The following SEMA3D variants were observed in gnomAD, a reference collection of about 807,000 sequenced individuals.
SEMA3D encodes semaphorin 3D.
SEMA3D carries 84 observed loss-of-function variants against 100.1 expected under a neutral mutation model. That is an observed-to-expected ratio of 0.84 (90% CI 0.70 to 1.01). SEMA3D has a LOEUF of 1.01. Ranked by LOEUF, SEMA3D falls within the 50% of genes least tolerant of loss-of-function variation. The pLI is 0.00. For synonymous variants in SEMA3D, 312 were observed against 320.7 expected, an observed-to-expected ratio of 0.97 and a Z score of 0.29; for missense variants, 875 against 934.1, an observed-to-expected ratio of 0.94 and a Z score of 0.82.
intron 1 of SEMA3D, among the ~76,000 whole-genome samples, chr7:85,174,309 G>A (rs1791166386): frequency 6.6e-6 from 1 of 152,098 alleles, no homozygotes; most frequent in Non-Finnish European, 1.5e-5. Context: ...GACTATTACA[G>A]TGCCTGGCAT....
intron 4 of SEMA3D, among the ~76,000 whole-genome samples, chr7:85,081,986 C>G (rs1008459181): frequency 6.6e-6 from 1 of 152,168 alleles, no homozygotes; most frequent in African/African-American, 2.4e-5. Context: ...AAACAACTCT[C>G]TGTCAGAGCA....
the SEMA3D span, among the ~76,000 whole-genome samples, chr7:85,194,604 G>C: frequency 6.6e-6 from 1 of 151,888 alleles, no homozygotes; most frequent in Non-Finnish European, 1.5e-5. Flanking sequence ...ACAGTTTTTT[G>C]CTTTCTCCCA....
chr7:85,239,714 G>A, the SEMA3D span, among the ~76,000 whole-genome samples: 1 of 152,142 alleles, frequency 6.6e-6, no homozygotes, highest in African/African-American at 2.4e-5. Flanking sequence ...CAAGTTCACT[G>A]AATGGTTTGA....
intron 2 of SEMA3D, among the ~76,000 whole-genome samples, chr7:85,130,346 T>A (rs2116431161): frequency 6.6e-6 from 1 of 152,320 alleles, no homozygotes; most frequent in East Asian, 1.9e-4. Flanking sequence ...AATAGTTATT[T>A]AGTGAACATT....
chr7:85,064,684 A>T (rs1791565466), intron 8 of SEMA3D, among the ~76,000 whole-genome samples: 1 of 152,166 alleles, frequency 6.6e-6, no homozygotes, highest in Non-Finnish European at 1.5e-5. Flanking sequence ...CAATGGAATA[A>T]AATCACATGT....
chr7:85,020,318 A>G lies in SEMA3D; in HGVS notation c.1418T>C (p.Ile473Thr), dbSNP rs768620484. 1.2e-6 allele frequency: 2 copies of G among 1,607,698 alleles called. No individual in the cohort carries two copies. Among genetic ancestry groups the G allele is most frequent in the East Asian group, 2.2e-5 (1 of 44,618 alleles). ...GCTGACAACTTTGAGGACAGTTCCA[A>G]TGTCTGAAAAAATGCATAACCCATG... Reference protein sequence around the residue: ...QYDVMFLGTDIGTVLKVVSIS... With the variant: ...QYDVMFLGTDTGTVLKVVSIS... Residue 473 changes from isoleucine to threonine, a missense_variant, in exon 14 of 19, where the codon ATT (isoleucine) becomes ACT (threonine). Ile to Thr is a moderately conservative substitution (Grantham distance 89). Transcript: ENST00000284136.
chr7:85,195,284 C>G, the SEMA3D span, among the ~76,000 whole-genome samples: 1 of 152,058 alleles, frequency 6.6e-6, no homozygotes, highest in Non-Finnish European at 1.5e-5. Context: ...TGCTTCTGGG[C>G]CTCTGTAGCT....
At chr7:85,152,873 A>G (rs1313625197) in intron 2 of SEMA3D, among the ~76,000 whole-genome samples, 1 of 152,156 alleles carries the variant, frequency 6.6e-6, no homozygotes, top group Non-Finnish European at 1.5e-5. Flanking sequence ...GTAGTCACTG[A>G]TGCAAGTCAA....
At chr7:85,067,603 C>T (rs1791662920) in intron 7 of SEMA3D, among the ~76,000 whole-genome samples, 2 of 152,248 alleles carry the variant, frequency 1.3e-5, no homozygotes, top group South Asian at 2.1e-4. Context: ...TGCTGACATT[C>T]CTTGGAACAG....
At chr7:85,026,889 A>G (rs1172361957) in intron 12 of SEMA3D, among the ~76,000 whole-genome samples, 3 of 152,182 alleles carry the variant, frequency 2.0e-5, no homozygotes, top group South Asian at 4.1e-4. Flanking sequence ...AACTTGTGGA[A>G]TCCATGGTTA....
chr7:85,170,977 A>G (rs1410407823), intron 1 of SEMA3D, among the ~76,000 whole-genome samples: 1 of 152,038 alleles, frequency 6.6e-6, no homozygotes, highest in African/African-American at 2.4e-5. Flanking sequence ...TGCATTTTGG[A>G]TGCAAAATTG....
intron 2 of SEMA3D, chr7:85,141,953 A>G: frequency 2.0e-6 from 2 of 982,996 alleles, no homozygotes; most frequent in Non-Finnish European, 2.4e-6. Context: ...TCAAAAAAAG[A>G]GAATAGGAAA....
Position 85,142,047 on chromosome 7 carries a change from GA to G in SEMA3D, c.-41+11560del, listed in dbSNP as rs933738354. ...ATAGCCAGCAAAATAGAAGGTAAGA[GA>G]AAAAAAAAAACCAAGTTTCTGTGAA... On this transcript the variant is annotated intron_variant, in intron 2 of 18. Transcript: ENST00000284136. 2,913 of 782,594 alleles carry G rather than the reference GA, an allele frequency of 3.7e-3. 4 individuals are homozygous for G. Among genetic ancestry groups the G allele is most frequent in the South Asian group, 0.013 (231 of 17,264 alleles). 48.5% of individuals were successfully genotyped at this position (782,594 alleles called of 1,614,324 possible).
At position 85,146,325 on chromosome 7, in the gene SEMA3D, C is replaced by T. The variant is rs148098686; in HGVS notation, c.-41+7283G>A. 3.5e-3 allele frequency among the ~76,000 whole-genome samples: 535 copies of T among 151,830 alleles called. 3 individuals carry two copies. The highest frequency in any genetic ancestry group is 0.012 in the African/African-American group (504 of 41,448). On this transcript the variant is annotated intron_variant, in intron 2 of 18. Transcript: ENST00000284136. ...ATCTCAGCACTTTGGGAGGCTGAGG[C>T]GGGTAGATTACTTGAAGTCAGGAGT...
At chr7:85,221,573 A>G in the SEMA3D span, among the ~76,000 whole-genome samples, 1 of 152,192 alleles carries the variant, frequency 6.6e-6, no homozygotes, top group Non-Finnish European at 1.5e-5. Flanking sequence ...AGTGTTCTCA[A>G]AACACAAGTA....
At chr7:85,133,986 T>G (rs1789793551) in intron 2 of SEMA3D, among the ~76,000 whole-genome samples, 1 of 151,980 alleles carries the variant, frequency 6.6e-6, no homozygotes, top group African/African-American at 2.4e-5. Flanking sequence ...CCTATCATAT[T>G]TACAAATGTG....
At chr7:85,029,054 T>C in intron 12 of SEMA3D, 3 of 514,472 alleles carry the variant, frequency 5.8e-6, no homozygotes, top group Non-Finnish European at 7.5e-6. Flanking sequence ...GATGGAGTCA[T>C]GGCTGTCCTC....
At chr7:85,217,544 T>C in the SEMA3D span, among the ~76,000 whole-genome samples, 5 of 152,044 alleles carry the variant, frequency 3.3e-5, no homozygotes, top group Non-Finnish European at 7.4e-5. Flanking sequence ...GTTGGCATCA[T>C]AAAAAAGTGC....
intron 8 of SEMA3D, 145 bp downstream of exon 8, chr7:85,065,279 T>A (rs1583887365): frequency 2.8e-6 from 2 of 714,932 alleles, no homozygotes; most frequent in East Asian, 5.5e-5. Context: ...GGAGATTTTC[T>A]TAGTGGGGAA....
Sources: gnomAD v4.1 joint callset for allele counts (sites outside exome capture counted in the v4.1 genomes callset) on GRCh38, gnomAD v4.1.1 for gene constraint, MANE v1.5 for transcripts, NCBI Gene and HGNC (gene_info 2026-07-23, HGNC 2026-07-21) for gene names.